The following RBMS3 variants were observed in gnomAD, a reference collection of about 807,000 sequenced individuals.
RBMS3 encodes RNA-binding motif, single-stranded-interacting protein 3.
Under a neutral mutation model 66.8 loss-of-function variants are expected in RBMS3, and 27 were observed. That is an observed-to-expected ratio of 0.40 (90% CI 0.30 to 0.56). RBMS3 has a LOEUF of 0.56. RBMS3 is among the 20% of genes least tolerant of loss of function. The pLI is 0.40. For synonymous variants in RBMS3, 188 were observed against 183.0 expected (o/e 1.03, Z -0.22); for missense variants, 513 against 549.5 (o/e 0.93, Z 0.66).
intron 3 of RBMS3, among the ~76,000 whole-genome samples, chr3:29,489,141 T>A (rs2043432516): frequency 6.6e-6 from 1 of 152,228 alleles, no homozygotes; most frequent in Non-Finnish European, 1.5e-5. Flanking sequence ...ACTCAGTTCT[T>A]ACTGGAAAAT....
chr3:29,434,623 G>A, intron 1 of RBMS3, 120 bp from the exon 2 acceptor site: 1 of 1,308,448 alleles, frequency 7.6e-7, no homozygotes, highest in East Asian at 2.3e-5. Flanking sequence ...AAATGTGTGT[G>A]TGTATGTACG....
At chr3:29,774,520 A>C (rs898755962) in intron 6 of RBMS3, among the ~76,000 whole-genome samples, 1 of 152,084 alleles carries the variant, frequency 6.6e-6, no homozygotes, top group Non-Finnish European at 1.5e-5. Flanking sequence ...AAAATATTGA[A>C]ACTAATATGT....
At chr3:29,800,423 A>G (rs1458813129) in intron 6 of RBMS3, among the ~76,000 whole-genome samples, 2 of 152,174 alleles carry the variant, frequency 1.3e-5, no homozygotes, top group East Asian at 3.9e-4. Flanking sequence ...AAGTATTCAT[A>G]TGTCTTACAG....
At chr3:29,487,460 A>G (rs57420566) in intron 2 of RBMS3, among the ~76,000 whole-genome samples, 14,660 of 152,150 alleles carry the variant, frequency 0.096, 869 homozygotes, top group East Asian at 0.16. Context: ...TTACATGTCA[A>G]TTTTCTCAGT....
chr3:29,756,854 G>A (rs1195905388), intron 5 of RBMS3, among the ~76,000 whole-genome samples: 1 of 152,170 alleles, frequency 6.6e-6, no homozygotes, highest in Non-Finnish European at 1.5e-5. Flanking sequence ...CAAGCATCAG[G>A]GAAGGAGTGT....
chr3:29,495,422 T>A (rs78734607), intron 3 of RBMS3, among the ~76,000 whole-genome samples: 4 of 147,594 alleles, frequency 2.7e-5, no homozygotes, highest in Non-Finnish European at 6.0e-5. Context: ...TCTTTCTTTT[T>A]TTTTTTTTTT....
intron 7 of RBMS3, among the ~76,000 whole-genome samples, chr3:29,877,159 C>G (rs1260183057): frequency 6.6e-6 from 1 of 152,158 alleles, no homozygotes; most frequent in East Asian, 1.9e-4. Context: ...AGGATACAAA[C>G]TTGACTTTGA....
chr3:29,317,424 T>A (rs1332043748), intron 1 of RBMS3, among the ~76,000 whole-genome samples: 1 of 151,752 alleles, frequency 6.6e-6, no homozygotes, highest in East Asian at 1.9e-4. Context: ...CTTTAAATAA[T>A]CTGTAGATGA....
intron 3 of RBMS3, among the ~76,000 whole-genome samples, chr3:29,560,564 G>A (rs1387256902): frequency 6.6e-6 from 1 of 152,130 alleles, no homozygotes; most frequent in East Asian, 1.9e-4. Flanking sequence ...TTCACGTAAG[G>A]GTTGCAAAAT....
At chr3:29,613,105 T>C (rs1448975520) in intron 4 of RBMS3, among the ~76,000 whole-genome samples, 1 of 152,054 alleles carries the variant, frequency 6.6e-6, no homozygotes, top group East Asian at 1.9e-4. Context: ...TGTTTTCATC[T>C]TGAAATACTT....
Position 29,735,009 on chromosome 3 carries a change from A to G in RBMS3, c.400-4711A>G, listed in dbSNP as rs1438869633. Among the ~76,000 whole-genome samples, 3 of 152,146 alleles carry G rather than the reference A, an allele frequency of 2.0e-5. No individual in the cohort carries two copies. The East Asian group carries it at 5.8e-4, about 29-fold the overall frequency. ...TTCCAGAGCATTTAAATGTCATTCC[A>G]TCAAATGTGAATGTTAGCAGATTGT... On this transcript the variant is annotated intron_variant, in intron 4 of 14. Transcript: ENST00000383767.
At chr3:29,704,904 G>A (rs1218429210) in intron 4 of RBMS3, among the ~76,000 whole-genome samples, 1 of 152,170 alleles carries the variant, frequency 6.6e-6, no homozygotes, top group Non-Finnish European at 1.5e-5. Context: ...ATTAGCTTTG[G>A]CCATTGCTTG....
chr3:29,747,058 C>CT (rs1243732814), intron 5 of RBMS3, among the ~76,000 whole-genome samples: 1 of 152,142 alleles, frequency 6.6e-6, no homozygotes, highest in Non-Finnish European at 1.5e-5. Context: ...ATGTCAAGGA[C>CT]TATTGGAGCA....
chr3:29,602,982 T>C (rs79576635), intron 4 of RBMS3, among the ~76,000 whole-genome samples: 4,855 of 146,794 alleles, frequency 0.033, 125 homozygotes, highest in Admixed American at 0.09. Context: ...TCTGTTCTCA[T>C]AGAACCTTCT....
At position 29,868,973 on chromosome 3, in the gene RBMS3, T is replaced by A. The variant is rs2059424704; in HGVS notation, c.744+9T>A. The stretch of plus-strand genomic sequence containing the variant: ...GGCCCAGGGAAGGAGAGGTGAGTCC[T>A]GACTGATAACATTTGCTCTGAAATT... On this transcript the variant is annotated intron_variant, in intron 7 of 14. Transcript: ENST00000383767. The A allele has an allele frequency of 6.4e-7, 1 of 1,573,920 alleles. No homozygotes were observed. Among genetic ancestry groups the A allele is most frequent in the Non-Finnish European group, 8.6e-7 (1 of 1,158,746 alleles).
chr3:29,694,540 A>T (rs1033844628), intron 4 of RBMS3, among the ~76,000 whole-genome samples: 1 of 152,208 alleles, frequency 6.6e-6, no homozygotes, highest in African/African-American at 2.4e-5. Context: ...CTTGGGATTC[A>T]CTGTTAGCAA....
At chr3:29,974,462 T>C (rs1697426004) in intron 12 of RBMS3, among the ~76,000 whole-genome samples, 1 of 151,986 alleles carries the variant, frequency 6.6e-6, no homozygotes, top group Non-Finnish European at 1.5e-5. Context: ...GTATAACACA[T>C]GTACAGAAAA....
chr3:29,734,460 C>G (rs1559617877), intron 4 of RBMS3, among the ~76,000 whole-genome samples: 1 of 151,998 alleles, frequency 6.6e-6, no homozygotes, highest in Non-Finnish European at 1.5e-5. Context: ...GCTAATGACC[C>G]TGATTCAATC....
At chr3:29,294,596 TA>T (rs1201190961) in intron 1 of RBMS3, among the ~76,000 whole-genome samples, 1 of 151,674 alleles carries the variant, frequency 6.6e-6, no homozygotes, top group Non-Finnish European at 1.5e-5. Context: ...ATGTCAGGAT[TA>T]AATGGTAGTG....
Sources: gnomAD v4.1 joint callset for allele counts (sites outside exome capture counted in the v4.1 genomes callset) on GRCh38, gnomAD v4.1.1 for gene constraint, MANE v1.5 for transcripts, NCBI Gene and HGNC (gene_info 2026-07-23, HGNC 2026-07-21) for gene names.